SLC29A3: variants seen among roughly 807,000 people sequenced by gnomAD.
SLC29A3 encodes equilibrative nucleoside transporter 3.
SLC29A3 carries 18 observed loss-of-function variants against 25.4 expected under a neutral mutation model. The ratio of observed to expected loss-of-function variants is 0.71; its 90% CI spans 0.49 to 1.05. The LOEUF is 1.05. Among genes scored for constraint, SLC29A3 ranks in the 50% least tolerant of loss-of-function variants. SLC29A3 has a pLI of 0.00. For synonymous variants in SLC29A3, 258 were observed against 267.1 expected (o/e 0.97, Z 0.33); for missense variants, 586 against 609.0 (o/e 0.96, Z 0.40).
intron 4 of SLC29A3, among the ~76,000 whole-genome samples, chr10:71,376,301 G>A (rs1847251303): frequency 6.6e-6 from 1 of 152,202 alleles, no homozygotes; most frequent in Non-Finnish European, 1.5e-5. Flanking sequence ...GGCTAAGACT[G>A]AACATCCTCT....
At chr10:71,367,857 T>C (rs1847182166), downstream of SLC29A3, among the ~76,000 whole-genome samples, 1 of 152,134 alleles carries the variant, frequency 6.6e-6, no homozygotes, top group South Asian at 2.1e-4. Context: ...CAGACCGAGG[T>C]TGGAATGCTG....
At chr10:71,370,652 A>T (rs1403488231) in intron 3 of SLC29A3, among the ~76,000 whole-genome samples, 2 of 152,196 alleles carry the variant, frequency 1.3e-5, no homozygotes, top group Non-Finnish European at 2.9e-5. Context: ...CTCCCACCTC[A>T]GCCTCCCAAG....
chr10:71,356,330 T>G (rs1846910940), intron 5 of SLC29A3, 87 bp downstream of exon 5: 2 of 1,520,684 alleles, frequency 1.3e-6, no homozygotes, highest in East Asian at 2.3e-5. Context: ...CTATGCTGGC[T>G]TCTTTGTCTA....
At chr10:71,320,484 T>C (rs1428605372) in intron 1 of SLC29A3, among the ~76,000 whole-genome samples, 1 of 151,788 alleles carries the variant, frequency 6.6e-6, no homozygotes, top group African/African-American at 2.4e-5. Flanking sequence ...AGGGCTCTCT[T>C]CCTGGCTTGC....
intron 2 of SLC29A3, among the ~76,000 whole-genome samples, chr10:71,325,375 T>G (rs1845941616): frequency 1.3e-5 from 2 of 152,202 alleles, no homozygotes; most frequent in Admixed American, 6.5e-5. Context: ...CACGCACATG[T>G]GTGAGATGGG....
chr10:71,346,523 A>G (rs1846586515), intron 3 of SLC29A3, among the ~76,000 whole-genome samples: 1 of 152,198 alleles, frequency 6.6e-6, no homozygotes, highest in Non-Finnish European at 1.5e-5. Flanking sequence ...CTATAGCAAG[A>G]TACTGTTTCT....
Position 71,322,915 on chromosome 10 carries a change from ACAT to A in SLC29A3, c.166_168del (p.Ile56del). 1 of 1,614,176 alleles carries A rather than the reference ACAT, an allele frequency of 6.2e-7. No homozygotes were observed. The highest frequency in any genetic ancestry group is 2.2e-5 in the East Asian group (1 of 44,878). On this transcript the variant is annotated inframe_deletion, in exon 2 of 6. Coordinates refer to ENST00000373189, the MANE Select transcript of SLC29A3 (RefSeq NM_018344.6). ...CCCGAGGACCGCTTCTGTGGCACAT[ACAT>A]CATCTTCTTCAGCCTGGGCATTGGC... is the stretch of plus-strand genomic sequence containing the variant.
chr10:71,376,312 T>G (rs1300804534), intron 4 of SLC29A3, among the ~76,000 whole-genome samples: 1 of 152,234 alleles, frequency 6.6e-6, no homozygotes, highest in Admixed American at 6.5e-5. Flanking sequence ...AACATCCTCT[T>G]GTCAATCCTC....
At chr10:71,340,905 G>A (rs146276644) in intron 2 of SLC29A3, among the ~76,000 whole-genome samples, 1 of 152,188 alleles carries the variant, frequency 6.6e-6, no homozygotes, top group Non-Finnish European at 1.5e-5. Flanking sequence ...GTAAGAGGGA[G>A]GGAAAGGGAA....
chr10:71,356,271 T>G (rs1264589230), intron 5 of SLC29A3, 28 bp downstream of exon 5: 1 of 1,610,258 alleles, frequency 6.2e-7, no homozygotes, highest in Non-Finnish European at 8.5e-7. Context: ...TGTCCATGCC[T>G]CCTTCCTGTG....
intron 2 of SLC29A3, among the ~76,000 whole-genome samples, chr10:71,329,616 C>G (rs946973): frequency 0.4 from 61,231 of 151,672 alleles, 13,929 homozygotes; most frequent in African/African-American, 0.63. Flanking sequence ...CAGGTGTGGT[C>G]GCGTGTGCCT....
At chr10:71,373,336 G>A (rs546607773) in intron 3 of SLC29A3, among the ~76,000 whole-genome samples, 1 of 152,324 alleles carries the variant, frequency 6.6e-6, no homozygotes, top group South Asian at 2.1e-4. Context: ...GAATAGGACA[G>A]GTCAAATGTC....
chr10:71,358,644 C>T (rs935038778), intron 5 of SLC29A3, among the ~76,000 whole-genome samples: 1 of 152,236 alleles, frequency 6.6e-6, no homozygotes, highest in African/African-American at 2.4e-5. Flanking sequence ...CGCCCCACTC[C>T]TTGTGTTGTT....
chr10:71,372,572 G>A (rs1004187516), intron 3 of SLC29A3, among the ~76,000 whole-genome samples: 1 of 152,160 alleles, frequency 6.6e-6, no homozygotes, highest in African/African-American at 2.4e-5. Flanking sequence ...AGAACCCCAC[G>A]AGGAGAACCA....
chr10:71,323,094 C>T (rs771990550), intron 2 of SLC29A3, 40 bp downstream of exon 2: 8 of 1,609,336 alleles, frequency 5.0e-6, no homozygotes, highest in Non-Finnish European at 5.9e-6. Context: ...TGGGAGCATA[C>T]AGAGGCCTCA....
intron 2 of SLC29A3, among the ~76,000 whole-genome samples, chr10:71,330,855 TTTTG>T (rs752464347): frequency 8.6e-5 from 13 of 152,036 alleles, no homozygotes; most frequent in Non-Finnish European, 1.9e-4. Context: ...TTTCATGATC[TTTTG>T]TTTGTTTTTT....
At chr10:71,376,080 C>G (rs1408374128) in intron 4 of SLC29A3, among the ~76,000 whole-genome samples, 1 of 152,182 alleles carries the variant, frequency 6.6e-6, no homozygotes, top group Non-Finnish European at 1.5e-5. Context: ...CAAAGCCAAA[C>G]CAGCTTGAAC....
Position 71,357,265 on chromosome 10 carries a change from A to G in SLC29A3, c.773+1022A>G, listed in dbSNP as rs544129219. On this transcript the variant is annotated intron_variant, in intron 5 of 5. Coordinates refer to ENST00000373189, the MANE Select transcript of SLC29A3 (RefSeq NM_018344.6). ...CCCATCTCTACTAAAAATACAAAAA[A>G]TTAGCCGGGCATGGTGGCGGGTGCC... Among the ~76,000 whole-genome samples, 6 of 152,294 alleles carry G rather than the reference A, an allele frequency of 3.9e-5. No individual in the cohort carries two copies. In the East Asian group the frequency reaches 1.2e-3, roughly 30 times the overall value.
chr10:71,363,005 T>C lies in SLC29A3; in HGVS notation c.*397T>C, dbSNP rs1299267018. 2.2e-6 allele frequency: 1 copy of C among 464,918 alleles called. No individual in the cohort carries two copies. Among genetic ancestry groups the C allele is most frequent in the Non-Finnish European group, 4.3e-6 (1 of 234,498 alleles). The allele number at this position is 464,918 out of a possible 1,614,324, so 28.8% of individuals were successfully genotyped here. On this transcript the variant is annotated 3_prime_UTR_variant, in exon 6 of 6. Coordinates refer to ENST00000373189, the MANE Select transcript of SLC29A3 (RefSeq NM_018344.6). ...ACCTCCCAGCTGCGCTCATTCCAGC[T>C]GACAGCGAGATGCAAGCAAATGCTC...
Sources: allele counts gnomAD v4.1 joint callset (sites outside exome capture counted in the v4.1 genomes callset), GRCh38; gene constraint gnomAD v4.1.1; transcripts MANE v1.5; gene names NCBI Gene and HGNC (gene_info 2026-07-23, HGNC 2026-07-21).